The following SCUBE1 variants were observed in gnomAD, a reference collection of about 807,000 sequenced individuals.
SCUBE1 encodes the protein signal peptide, CUB and EGF-like domain-containing protein 1.
SCUBE1 carries 59 observed loss-of-function variants against 124.4 expected under a neutral mutation model. The ratio of observed to expected loss-of-function variants is 0.47; its 90% CI spans 0.38 to 0.59. SCUBE1 has a LOEUF of 0.59. Ranked by LOEUF, SCUBE1 falls within the 20% of genes least tolerant of loss-of-function variation. SCUBE1 has a pLI of 0.00. For synonymous variants in SCUBE1, 545 were observed against 550.9 expected, an observed-to-expected ratio of 0.99 and a Z score of 0.15; for missense variants, 1,150 against 1,371.2, an observed-to-expected ratio of 0.84 and a Z score of 2.55.
intron 3 of SCUBE1, among the ~76,000 whole-genome samples, chr22:43,312,781 G>A (rs528529039): frequency 2.6e-5 from 4 of 152,300 alleles, no homozygotes; most frequent in South Asian, 2.1e-4. Flanking sequence ...GGCCTGGCAC[G>A]TGCTGGGATT....
At chr22:43,302,352 C>T (rs113105911) in intron 3 of SCUBE1, among the ~76,000 whole-genome samples, 1 of 152,310 alleles carries the variant, frequency 6.6e-6, no homozygotes, top group South Asian at 2.1e-4. Flanking sequence ...TTGAGCTGGG[C>T]AGAGTTTCAG....
At chr22:43,260,033 G>A (rs1310131829) in intron 5 of SCUBE1, among the ~76,000 whole-genome samples, 1 of 152,174 alleles carries the variant, frequency 6.6e-6, no homozygotes, top group African/African-American at 2.4e-5. Flanking sequence ...GCAGATCTCA[G>A]GCGATGGGGA....
intron 6 of SCUBE1, among the ~76,000 whole-genome samples, chr22:43,250,596 G>A (rs566252466): frequency 6.6e-6 from 1 of 152,342 alleles, no homozygotes; most frequent in South Asian, 2.1e-4. Flanking sequence ...AGCCTCAGGG[G>A]TGCGGGGAGA....
intron 6 of SCUBE1, among the ~76,000 whole-genome samples, chr22:43,253,722 G>A (rs192605782): frequency 5.2e-4 from 64 of 123,878 alleles, no homozygotes; most frequent in African/African-American, 2.7e-3. Flanking sequence ...TCCTCCCCCC[G>A]CCTGCACCAC....
At chr22:43,299,296 G>A (rs1925681344) in intron 3 of SCUBE1, among the ~76,000 whole-genome samples, 1 of 152,132 alleles carries the variant, frequency 6.6e-6, no homozygotes, top group Admixed American at 6.5e-5. Flanking sequence ...CATGGCCTCA[G>A]GGAATCACGG....
rs776335553 is a variant in SCUBE1 at position 43,291,169 on chromosome 22, A to G, written c.361T>C (p.Cys121Arg). The G allele has an allele frequency of 6.2e-7, 1 of 1,609,742 alleles. No individual in the cohort carries two copies. The change falls in exon 4 of 22, where the codon TGT becomes CGT. Residue 121 changes from cysteine (C) to arginine (R), a missense_variant. By Grantham distance (180) the Cys-to-Arg change is radical. Coordinates refer to ENST00000360835, the MANE Select transcript of SCUBE1 (RefSeq NM_173050.5). ...DGHNCLDVDE[C>R]QDNNGGCQQI... is the part of the protein sequence containing the mutation. ...TGGCAGCCACCATTATTGTCCTGAC[A>G]CTCGTCCACATCTGTGAGAAAAGGA...
intron 13 of SCUBE1, 98 bp from the exon 14 acceptor site, chr22:43,220,685 T>C: frequency 1.4e-6 from 2 of 1,448,058 alleles, no homozygotes; most frequent in African/African-American, 1.4e-5. Flanking sequence ...AAGGACTTCC[T>C]GGTCCGTGGT....
At chr22:43,316,051 A>G (rs1457202889) in intron 3 of SCUBE1, among the ~76,000 whole-genome samples, 1 of 152,182 alleles carries the variant, frequency 6.6e-6, no homozygotes, top group Non-Finnish European at 1.5e-5. Context: ...GGAGGCATCA[A>G]ACCACTCCAC....
intron 4 of SCUBE1, among the ~76,000 whole-genome samples, chr22:43,265,699 A>T (rs1421977387): frequency 2.0e-5 from 3 of 152,222 alleles, no homozygotes; most frequent in Non-Finnish European, 2.9e-5. Context: ...AGGAGCCCAA[A>T]TCGCTCTGAT....
At chr22:43,293,886 T>C (rs969785007) in intron 3 of SCUBE1, among the ~76,000 whole-genome samples, 1 of 152,220 alleles carries the variant, frequency 6.6e-6, no homozygotes, top group Non-Finnish European at 1.5e-5. Context: ...GGAAGCTCCC[T>C]GGCGCCGCCC....
At chr22:43,280,728 ACCTTCCTCCTCGGC>A (rs1569009742) in intron 4 of SCUBE1, among the ~76,000 whole-genome samples, 4 of 145,644 alleles carry the variant, frequency 2.7e-5, no homozygotes, top group African/African-American at 7.8e-5. Context: ...CCCTCCTGTC[ACCTTCCTCCTCGGC>A]CACCCTCCTG....
intron 3 of SCUBE1, among the ~76,000 whole-genome samples, chr22:43,298,203 G>C (rs1201645131): frequency 6.6e-6 from 1 of 152,204 alleles, no homozygotes; most frequent in African/African-American, 2.4e-5. Context: ...TTAGAGCTTT[G>C]GGGCCTGGGT....
chr22:43,209,818 C>A (rs1921463354), intron 19 of SCUBE1, among the ~76,000 whole-genome samples: 1 of 152,216 alleles, frequency 6.6e-6, no homozygotes, highest in African/African-American at 2.4e-5. Context: ...TCTCGGAATA[C>A]CCTAAGCTCT....
Position 43,210,217 on chromosome 22 carries a change from C to G in SCUBE1, c.2407G>C (p.Gly803Arg). Residue 803 changes from glycine to arginine, a missense_variant, in exon 19 of 22, where the codon GGT becomes CGT. Gly to Arg is a moderately radical substitution (Grantham distance 125). Coordinates refer to ENST00000360835, the MANE Select transcript of SCUBE1 (RefSeq NM_173050.5). The surrounding 1 kb of genome is among the most constrained non-coding windows in gnomAD (Gnocchi z 4.5). ...CKNQHCGGELGDYTGYIESPN... is the reference protein window; with the variant it reads ...CKNQHCGGELRDYTGYIESPN... ...GACTCGATGTAGCCGGTGTAGTCACCAAGCTCGCCGCCGCAGTGCTGGTCT... is the reference window on the plus strand; with the variant it reads ...GACTCGATGTAGCCGGTGTAGTCACGAAGCTCGCCGCCGCAGTGCTGGTCT... 2 of 1,568,704 alleles carry G rather than the reference C, an allele frequency of 1.3e-6. No homozygotes were observed. Among genetic ancestry groups the G allele is most frequent in the Non-Finnish European group, 8.6e-7 (1 of 1,158,202 alleles).
intron 3 of SCUBE1, among the ~76,000 whole-genome samples, chr22:43,301,807 C>T (rs896960828): frequency 1.7e-4 from 26 of 152,246 alleles, no homozygotes; most frequent in Admixed American, 1.2e-3. Flanking sequence ...TGTATGTCTG[C>T]GGACTGGATA....
Position 43,203,678 on chromosome 22 carries a change from C to T in SCUBE1, c.*319G>A. On this transcript the variant is annotated 3_prime_UTR_variant, in exon 22 of 22. Transcript: ENST00000360835. ...GCACAGGCCCCACTTCCCCTCTCTC[C>T]TGAAACGCCAGGCCAGGCAGAGGGT... 3.9e-6 allele frequency: 1 copy of T among 258,878 alleles called. No individual in the cohort carries two copies. The highest frequency in any genetic ancestry group is 9.6e-5 in the East Asian group (1 of 10,468). The allele number at this position is 258,878 out of a possible 1,614,324, so 16.0% of individuals were successfully genotyped here. A position where few individuals can be genotyped will look rare whatever the true frequency, so the allele number is the denominator to read the frequency against.
At chr22:43,266,874 T>C (rs573179909) in intron 4 of SCUBE1, among the ~76,000 whole-genome samples, 1 of 152,290 alleles carries the variant, frequency 6.6e-6, no homozygotes, top group South Asian at 2.1e-4. Context: ...ACGAAGCACA[T>C]ACCCTGGCTC....
chr22:43,214,047 G>A (rs762604738), intron 16 of SCUBE1, 43 bp downstream of exon 16: 7 of 149,956 alleles, frequency 4.7e-5, no homozygotes, highest in East Asian at 2.7e-4. Flanking sequence ...AGGAGCCCCC[G>A]CCCACCCCCC....
rs1021474770 is a variant in SCUBE1, at chr22:43,258,056, C to T, written c.727+163G>A. ...CCTCCCCAGAAAGCCTCCCCAGGGGCGCCGGCCATCCCCGCCATTGCCATG... is the reference window on the plus strand; with the variant it reads ...CCTCCCCAGAAAGCCTCCCCAGGGGTGCCGGCCATCCCCGCCATTGCCATG... On this transcript the variant is annotated intron_variant, in intron 6 of 21. Transcript: ENST00000360835. The surrounding 1 kb of genome is among the most constrained non-coding windows in gnomAD (Gnocchi z 5.0). Among the ~76,000 whole-genome samples, 1 of 151,766 alleles carries T rather than the reference C, an allele frequency of 6.6e-6. No individual in the cohort carries two copies. The highest frequency in any genetic ancestry group is 2.4e-5 in the African/African-American group (1 of 41,046).
Sources: gnomAD v4.1 joint callset for allele counts (sites outside exome capture counted in the v4.1 genomes callset) on GRCh38, gnomAD v4.1.1 for gene constraint, Gnocchi (gnomAD v3.1) non-coding constraint, MANE v1.5 for transcripts, NCBI Gene and HGNC (gene_info 2026-07-23, HGNC 2026-07-21) for gene names.